The following FCHO2 variants were observed in gnomAD, a reference collection of about 807,000 sequenced individuals.
The protein encoded by FCHO2 is F-BAR domain only protein 2.
Under a neutral mutation model 114.1 loss-of-function variants are expected in FCHO2, and 43 were observed. That is an observed-to-expected ratio of 0.38 (90% CI 0.30 to 0.49). The LOEUF (loss-of-function observed/expected upper bound fraction) is 0.49. FCHO2 is among the 20% of genes least tolerant of loss of function. The pLI, the probability that FCHO2 is intolerant of heterozygous loss-of-function variation, is 0.97. For missense variants in FCHO2, 807 were observed against 950.4 expected, an observed-to-expected ratio of 0.85 and a Z score of 1.98; for synonymous variants, 293 against 315.2, an observed-to-expected ratio of 0.93 and a Z score of 0.75.
intron 5 of FCHO2, among the ~76,000 whole-genome samples, chr5:72,992,312 T>C (rs1020555356): frequency 2.6e-5 from 4 of 152,132 alleles, no homozygotes; most frequent in Non-Finnish European, 5.9e-5. Context: ...TGAGACACAG[T>C]AAATTCATGG....
intron 8 of FCHO2, chr5:73,020,774 T>A (rs62362164): frequency 4.0e-6 from 4 of 1,012,546 alleles, no homozygotes; most frequent in Non-Finnish European, 6.3e-6. Flanking sequence ...GTGAGAGATA[T>A]GGCACTGTCC....
chr5:73,021,725 CAT>C (rs1364308779), intron 8 of FCHO2, among the ~76,000 whole-genome samples: 1 of 151,992 alleles, frequency 6.6e-6, no homozygotes, highest in Non-Finnish European at 1.5e-5. Flanking sequence ...GTATTTGATT[CAT>C]CTATTTTCTC....
intron 8 of FCHO2, chr5:73,020,731 A>G: frequency 1.0e-5 from 12 of 1,187,714 alleles, no homozygotes; most frequent in African/African-American, 1.5e-5. Context: ...TTTCTGTTCT[A>G]CATCCACCTT....
chr5:72,963,858 C>T (rs1752019872), intron 1 of FCHO2, among the ~76,000 whole-genome samples: 1 of 147,274 alleles, frequency 6.8e-6, no homozygotes, highest in African/African-American at 2.5e-5. Flanking sequence ...GCCAGATAGG[C>T]TGTAATTTTC....
At chr5:72,995,941 T>C (rs1429598245) in intron 5 of FCHO2, among the ~76,000 whole-genome samples, 1 of 151,816 alleles carries the variant, frequency 6.6e-6, no homozygotes, top group African/African-American at 2.4e-5. Flanking sequence ...AATTGTCAAA[T>C]TGAAAAAAAA....
At chr5:72,966,856 G>A (rs1752229959) in intron 1 of FCHO2, among the ~76,000 whole-genome samples, 1 of 152,224 alleles carries the variant, frequency 6.6e-6, no homozygotes, top group Non-Finnish European at 1.5e-5. Context: ...TAAACCTAGT[G>A]TATCAGCTGT....
At chr5:73,063,307 T>A (rs1027318655) in intron 17 of FCHO2, among the ~76,000 whole-genome samples, 15 of 152,136 alleles carry the variant, frequency 9.9e-5, no homozygotes, top group Admixed American at 2.6e-4. Context: ...TTGGGGAATT[T>A]TTTTTAGTAA....
chr5:72,976,910 AATG>A (rs1240357059), intron 2 of FCHO2, among the ~76,000 whole-genome samples: 1 of 152,034 alleles, frequency 6.6e-6, no homozygotes, highest in Admixed American at 6.6e-5. Flanking sequence ...GTTTGCTGAG[AATG>A]ATACTTTCCA....
chr5:73,028,380 C>T (rs897738660), intron 8 of FCHO2, among the ~76,000 whole-genome samples: 4 of 152,086 alleles, frequency 2.6e-5, no homozygotes, highest in African/African-American at 9.7e-5. Flanking sequence ...TAGGCATTTA[C>T]CCAAGAGAAA....
intron 2 of FCHO2, among the ~76,000 whole-genome samples, chr5:72,976,381 TTTG>T (rs1439981159): frequency 2.0e-5 from 3 of 152,056 alleles, no homozygotes; most frequent in African/African-American, 7.2e-5. Context: ...ACCTGGCTTT[TTTG>T]TTGTTGTCAA....
At chr5:73,061,846 G>A (rs1055435976) in intron 17 of FCHO2, among the ~76,000 whole-genome samples, 4 of 152,114 alleles carry the variant, frequency 2.6e-5, no homozygotes, top group African/African-American at 9.6e-5. Context: ...GAGGATCACA[G>A]TGACCTTTGC....
At chr5:73,082,080 A>G (rs1196418693) in intron 23 of FCHO2, 98 bp downstream of exon 23, 1 of 1,164,478 alleles carries the variant, frequency 8.6e-7, no homozygotes, top group Non-Finnish European at 1.2e-6. Context: ...AAGTTTGAAA[A>G]ATTTTTGTGC....
intron 12 of FCHO2, 83 bp from the exon 13 acceptor site, chr5:73,052,249 T>A (rs1580171111): frequency 7.5e-7 from 1 of 1,340,390 alleles, no homozygotes; most frequent in East Asian, 2.5e-5. Context: ...CTTAAAGGTT[T>A]CATTCCTTTT....
At chr5:72,996,970 C>T (rs772561394) in intron 5 of FCHO2, 19 of 1,607,586 alleles carry the variant, frequency 1.2e-5, no homozygotes, top group Admixed American at 3.3e-5. Flanking sequence ...TGGCCTTCGC[C>T]GCCAAGCTCT....
At chr5:72,982,826 A>ATTTTTTTTTTTTT (rs36075860) in intron 2 of FCHO2, among the ~76,000 whole-genome samples, 1 of 108,176 alleles carries the variant, frequency 9.2e-6, no homozygotes, top group African/African-American at 3.3e-5. Flanking sequence ...GTCTGGATTC[A>ATTTTTTTTTTTTT]TTTTTTTTTT....
chr5:73,085,119 G>C (rs1743251083), intron 24 of FCHO2, among the ~76,000 whole-genome samples: 1 of 152,178 alleles, frequency 6.6e-6, no homozygotes, highest in South Asian at 2.1e-4. Flanking sequence ...GGGAGGCCAA[G>C]GCAGGTAGAT....
intron 10 of FCHO2, among the ~76,000 whole-genome samples, chr5:73,040,520 A>C (rs1215744105): frequency 6.6e-6 from 1 of 152,180 alleles, no homozygotes; most frequent in East Asian, 1.9e-4. Context: ...TTCTAACCTC[A>C]TTTTTAATGA....
intron 2 of FCHO2, among the ~76,000 whole-genome samples, chr5:72,972,096 T>G (rs1475300609): frequency 6.6e-6 from 1 of 152,102 alleles, no homozygotes; most frequent in Non-Finnish European, 1.5e-5. Flanking sequence ...CTGTTTTGGT[T>G]ACTGTAGCCT....
chr5:73,052,192 G>A lies in FCHO2; in HGVS notation c.998-140G>A, dbSNP rs1048194808. ...CCTGCCTTAGCCTCCCAAAGTCCTG[G>A]GATTACAGGCGTGAGCCGTCGCACC... On this transcript the variant is annotated intron_variant, in intron 12 of 25. Transcript: ENST00000430046. 1.3e-5 allele frequency: 10 copies of A among 761,412 alleles called. No individual in the cohort carries two copies. In the Admixed American group the frequency reaches 3.0e-4, roughly 23 times the overall value. 47.2% of individuals were successfully genotyped at this position (761,412 alleles called of 1,614,324 possible).
Sources: allele counts gnomAD v4.1 joint callset (sites outside exome capture counted in the v4.1 genomes callset), GRCh38; gene constraint gnomAD v4.1.1; transcripts MANE v1.5; gene names NCBI Gene and HGNC (gene_info 2026-07-23, HGNC 2026-07-21).